Variants in TBC1D8B observed in about 807,000 individuals in gnomAD.
TBC1D8B encodes the protein TBC1 domain family member 8B.
TBC1D8B carries 75 observed loss-of-function variants against 82.9 expected under a neutral mutation model. The ratio of observed to expected loss-of-function variants is 0.90; its 90% CI spans 0.75 to 1.10. The LOEUF is 1.10. TBC1D8B is among the 50% of genes least tolerant of loss of function. The probability of loss-of-function intolerance (pLI) is 0.00; values close to 1 mark genes in which losing one functional copy is unlikely to be tolerated. For synonymous variants in TBC1D8B, 276 were observed against 276.8 expected (o/e 1.00, Z 0.03); for missense variants, 794 against 796.9 (o/e 1.00, Z 0.04).
intron 7 of TBC1D8B, among the ~76,000 whole-genome samples, chrX:106,838,664 G>C (rs1290567759): frequency 8.9e-6 from 1 of 111,805 alleles, no homozygotes; most frequent in Non-Finnish European, 1.9e-5. Flanking sequence ...CCAGGCTCTT[G>C]TTTGCTCTAG....
In TBC1D8B at chrX:106,873,898, C is replaced by G. The variant is rs1475846959; in HGVS notation, c.3296C>G (p.Pro1099Arg). Residue 1099 changes from proline (P) to arginine (R), a missense_variant, in exon 21 of 21, where the codon CCC becomes CGC. Pro to Arg is a moderately radical substitution (Grantham distance 103). Transcript: ENST00000357242. ...EPALVRFFEK[P>R]IDVKAKLENA... The stretch of plus-strand genomic sequence containing the variant: ...GCATTGGTGAGGTTTTTTGAGAAAC[C>G]CATAGATGTAAAAGCCAAGCTGGAA... 2 of 1,204,564 alleles carry G rather than the reference C, an allele frequency of 1.7e-6. No homozygotes were observed. Among genetic ancestry groups the G allele is most frequent in the Non-Finnish European group, 2.2e-6 (2 of 893,457 alleles).
chrX:106,848,073 A>G (rs1932499328), intron 10 of TBC1D8B, 113 bp from the exon 11 acceptor site: 1 of 440,881 alleles, frequency 2.3e-6, no homozygotes, highest in Non-Finnish European at 3.7e-6. Context: ...CTGTTATTAC[A>G]CTATTATTAC....
At position 106,840,209 on chromosome X, in the gene TBC1D8B, T is replaced by C; in HGVS notation, c.1504+11T>C. The C allele has an allele frequency of 2.5e-6, 3 of 1,193,380 alleles. No homozygotes were observed. The highest frequency in any genetic ancestry group is 3.4e-6 in the Non-Finnish European group (3 of 883,875). ...GGATGCTTTTTTCAGGTATTACGTTTATTCATTGTATTTATTTAATAGACA... is the reference window on the plus strand; with the variant it reads ...GGATGCTTTTTTCAGGTATTACGTTCATTCATTGTATTTATTTAATAGACA... On this transcript the variant is annotated intron_variant, in intron 9 of 20. Coordinates refer to ENST00000357242, the MANE Select transcript of TBC1D8B (RefSeq NM_017752.3).
intron 3 of TBC1D8B, among the ~76,000 whole-genome samples, chrX:106,821,567 G>A (rs1246852022): frequency 2.7e-5 from 3 of 111,028 alleles, no homozygotes; most frequent in Non-Finnish European, 5.7e-5. Context: ...GTCGTCCCTA[G>A]GTATCTATGG....
intron 1 of TBC1D8B, chrX:106,815,813 A>G (rs999807483): frequency 8.9e-6 from 1 of 112,017 alleles, no homozygotes; most frequent in African/African-American, 3.2e-5. Context: ...CAAAAACCAC[A>G]TGATTATCTC....
chrX:106,814,585 G>T (rs1445161073), intron 1 of TBC1D8B: 2 of 107,032 alleles, frequency 1.9e-5, no homozygotes, highest in African/African-American at 6.9e-5. Flanking sequence ...TGGGTCAAAT[G>T]GTATTTCTAG....
chrX:106,820,623 A>C (rs1010569476), intron 2 of TBC1D8B, among the ~76,000 whole-genome samples: 1 of 111,348 alleles, frequency 9.0e-6, no homozygotes, highest in Non-Finnish European at 1.9e-5. Context: ...TCAGAATTTT[A>C]TATATTTTCT....
chrX:106,864,163 C>A (rs1409314495), intron 14 of TBC1D8B, among the ~76,000 whole-genome samples: 2 of 111,387 alleles, frequency 1.8e-5, no homozygotes, highest in East Asian at 2.8e-4. Context: ...TGGCTCTCTG[C>A]CTCAGTTTAG....
At chrX:106,803,762 G>T (rs750909788) in intron 1 of TBC1D8B, among the ~76,000 whole-genome samples, 10 of 111,210 alleles carry the variant, frequency 9.0e-5, no homozygotes, top group African/African-American at 3.3e-4. Flanking sequence ...AGTGTTTTTT[G>T]GCCAAATGTT....
At position 106,802,688 on chromosome X, in the gene TBC1D8B, T is replaced by C. The variant is rs889647833; in HGVS notation, c.-166T>C. On this transcript the variant is annotated 5_prime_UTR_variant, in exon 1 of 21. Coordinates refer to ENST00000357242, the MANE Select transcript of TBC1D8B (RefSeq NM_017752.3). ...GGAGGGAATTGGCAATCTCTCTGCC[T>C]ACGTGGGAGAGAAGGGAGGGTTGGG... 1 of 662,794 alleles carries C rather than the reference T, an allele frequency of 1.5e-6. No homozygotes were observed. Among genetic ancestry groups the C allele is most frequent in the Non-Finnish European group, 2.3e-6 (1 of 439,453 alleles). 54.6% of individuals were successfully genotyped at this position (662,794 alleles called of 1,213,427 possible).
intron 10 of TBC1D8B, among the ~76,000 whole-genome samples, chrX:106,843,353 A>AT (rs1224289196): frequency 1.8e-5 from 2 of 110,984 alleles, no homozygotes; most frequent in Non-Finnish European, 3.8e-5. Flanking sequence ...ATTTTATTTT[A>AT]TTTTTTTACC....
chrX:106,818,857 T>G (rs1931618285), intron 2 of TBC1D8B, 84 bp downstream of exon 2: 1 of 725,073 alleles, frequency 1.4e-6, no homozygotes, highest in African/African-American at 2.2e-5. Flanking sequence ...AGTCTGTAGT[T>G]GCTTTGAGAT....
intron 7 of TBC1D8B, among the ~76,000 whole-genome samples, chrX:106,833,093 G>A (rs1932083317): frequency 9.0e-6 from 1 of 110,934 alleles, no homozygotes; most frequent in African/African-American, 3.3e-5. Context: ...TGGTTTTACA[G>A]GTCAACTCTG....
intron 7 of TBC1D8B, among the ~76,000 whole-genome samples, chrX:106,833,767 T>C (rs967694523): frequency 1.8e-5 from 2 of 110,787 alleles, no homozygotes; most frequent in African/African-American, 6.5e-5. Context: ...TTTTTTTCCC[T>C]CTGGGATACT....
At chrX:106,868,963 G>A (rs1415497968) in intron 18 of TBC1D8B, among the ~76,000 whole-genome samples, 1 of 111,628 alleles carries the variant, frequency 9.0e-6, no homozygotes, top group Admixed American at 9.5e-5. Context: ...GATGAACCCT[G>A]ATTAATGTAT....
At chrX:106,805,870 G>A (rs1476019828) in intron 1 of TBC1D8B, among the ~76,000 whole-genome samples, 3 of 112,400 alleles carry the variant, frequency 2.7e-5, no homozygotes, top group Non-Finnish European at 5.6e-5. Context: ...GCATAAGTTT[G>A]CCTCTGTTCA....
chrX:106,811,314 C>T (rs745317329), intron 1 of TBC1D8B, among the ~76,000 whole-genome samples: 2 of 111,425 alleles, frequency 1.8e-5, no homozygotes, highest in South Asian at 7.6e-4. Context: ...TGCTTGAGCC[C>T]GGGAGTTGGA....
intron 10 of TBC1D8B, among the ~76,000 whole-genome samples, chrX:106,843,405 C>G (rs1932364250): frequency 1.8e-5 from 2 of 111,891 alleles, no homozygotes; most frequent in African/African-American, 3.2e-5. Flanking sequence ...CTAATTTCTG[C>G]ACATCCTTGA....
At position 106,843,432 on chromosome X, in the gene TBC1D8B, T is replaced by C. The variant is rs1005077290; in HGVS notation, c.1719+2548T>C. Among the ~76,000 whole-genome samples, 17 of 112,082 alleles carry C rather than the reference T, an allele frequency of 1.5e-4. 1 individual carries two copies. The highest frequency in any genetic ancestry group is 9.5e-5 in the Admixed American group (1 of 10,510). On this transcript the variant is annotated intron_variant, in intron 10 of 20. Coordinates refer to ENST00000357242, the MANE Select transcript of TBC1D8B (RefSeq NM_017752.3). Reference sequence around the variant, plus strand: ...CATCCTTGACAACACTTCTTAATTGTCTTTCTTTTTGATTGCAGCCATTCC... The same window carrying C: ...CATCCTTGACAACACTTCTTAATTGCCTTTCTTTTTGATTGCAGCCATTCC...
Sources: allele counts gnomAD v4.1 joint callset (sites outside exome capture counted in the v4.1 genomes callset), GRCh38; gene constraint gnomAD v4.1.1; transcripts MANE v1.5; gene names NCBI Gene and HGNC (gene_info 2026-07-23, HGNC 2026-07-21).